DAB1: variants seen among roughly 807,000 people sequenced by gnomAD.
DAB1 encodes disabled homolog 1.
Under a neutral mutation model 64.6 loss-of-function variants are expected in DAB1, and 15 were observed. The ratio of observed to expected loss-of-function variants is 0.23; its 90% confidence interval spans 0.16 to 0.36. The LOEUF is 0.36. DAB1 is among the 10% of genes least tolerant of loss of function. The probability of loss-of-function intolerance (pLI) is 1.00; values close to 1 mark genes in which losing one functional copy is unlikely to be tolerated. For synonymous variants in DAB1, 235 were observed against 251.9 expected, an observed-to-expected ratio of 0.93 and a Z score of 0.64; for missense variants, 596 against 706.7, an observed-to-expected ratio of 0.84 and a Z score of 1.78.
At chr1:57,154,777 C>G (rs937243285) in intron 2 of DAB1, among the ~76,000 whole-genome samples, 31 of 152,230 alleles carry the variant, frequency 2.0e-4, no homozygotes, top group Middle Eastern at 3.4e-3. Context: ...TTTTGATTTG[C>G]ATTTCTCTGA....
chr1:58,172,074 T>C (rs1163890503), intron 4 of DAB1, among the ~76,000 whole-genome samples: 1 of 152,124 alleles, frequency 6.6e-6, no homozygotes, highest in Non-Finnish European at 1.5e-5. Flanking sequence ...GCCAGGCCCC[T>C]TTATACTCTA....
At chr1:57,567,393 T>G (rs1645136244) in intron 7 of DAB1, among the ~76,000 whole-genome samples, 3 of 152,188 alleles carry the variant, frequency 2.0e-5, no homozygotes, top group Middle Eastern at 6.8e-3. Context: ...CTCTCACCAC[T>G]CCTATTCAAC....
At chr1:57,947,759 T>C (rs1476592209) in intron 5 of DAB1, among the ~76,000 whole-genome samples, 1 of 152,164 alleles carries the variant, frequency 6.6e-6, no homozygotes, top group African/African-American at 2.4e-5. Flanking sequence ...CAAAGTGGAA[T>C]TTCTGGAGTG....
intron 5 of DAB1, among the ~76,000 whole-genome samples, chr1:57,961,743 C>T (rs570580850): frequency 2.0e-5 from 3 of 151,798 alleles, no homozygotes; most frequent in Non-Finnish European, 4.4e-5. Flanking sequence ...CTGAGGCAGG[C>T]GGATCACCTG....
At chr1:58,119,039 C>A (rs1328136034) in intron 5 of DAB1, among the ~76,000 whole-genome samples, 1 of 152,102 alleles carries the variant, frequency 6.6e-6, no homozygotes, top group Non-Finnish European at 1.5e-5. Context: ...TTCTTATAAC[C>A]TTTTATACAC....
At chr1:58,089,370 G>A (rs1476312469) in intron 5 of DAB1, among the ~76,000 whole-genome samples, 1 of 152,266 alleles carries the variant, frequency 6.6e-6, no homozygotes, top group Non-Finnish European at 1.5e-5. Context: ...CGAGTACATG[G>A]CATTTTCTGC....
At chr1:57,659,084 G>C (rs889910948) in intron 6 of DAB1, among the ~76,000 whole-genome samples, 19 of 152,100 alleles carry the variant, frequency 1.2e-4, no homozygotes, top group African/African-American at 4.6e-4. Context: ...TTTGCCCCAT[G>C]ACCTGATATC....
intron 3 of DAB1, among the ~76,000 whole-genome samples, chr1:58,465,121 A>G (rs1303460893): frequency 6.6e-6 from 1 of 152,232 alleles, no homozygotes; most frequent in Non-Finnish European, 1.5e-5. Flanking sequence ...TCAAATAAGA[A>G]AAGTACTCTC....
chr1:57,921,176 A>G lies in DAB1; in HGVS notation n.388-37014T>C, dbSNP rs143584348. ...GTCTGATCTTTAAGATATATTATTT[A>G]GTGGAAAAAGTAAGCTGCAGTAGAG... On this transcript the variant is annotated intron_variant and non_coding_transcript_variant, in intron 5 of 20. Transcript: ENST00000485760. 3.9e-3 allele frequency among the ~76,000 whole-genome samples: 600 copies of G among 152,334 alleles called. 5 individuals are homozygous for G. The highest frequency in any genetic ancestry group is 0.013 in the African/African-American group (558 of 41,578).
At chr1:57,205,222 C>T (rs1188962515) in intron 2 of DAB1, among the ~76,000 whole-genome samples, 1 of 152,210 alleles carries the variant, frequency 6.6e-6, no homozygotes, top group Non-Finnish European at 1.5e-5. Flanking sequence ...TCCCTATGAG[C>T]CTTGGAAGCC....
chr1:57,426,859 A>AATATATATATATATATATATAT (rs998763894), upstream of DAB1, among the ~76,000 whole-genome samples: 23 of 122,858 alleles, frequency 1.9e-4, 1 homozygote, highest in African/African-American at 4.3e-4. Context: ...TAAATGAGAT[A>AATATATATATATATATATATAT]ATATATATAT....
intron 3 of DAB1, among the ~76,000 whole-genome samples, chr1:58,447,430 GT>G (rs1367648958): frequency 1.9e-4 from 29 of 151,966 alleles, no homozygotes; most frequent in Middle Eastern, 3.4e-3. Context: ...CTATGTACCA[GT>G]TTTTTTTCCT....
At chr1:57,638,480 A>G (rs1646087286) in intron 7 of DAB1, among the ~76,000 whole-genome samples, 1 of 152,114 alleles carries the variant, frequency 6.6e-6, no homozygotes, top group South Asian at 2.1e-4. Context: ...TACCATGCAA[A>G]CCATCCTTCT....
At chr1:57,313,410 A>G (rs1311597075) in intron 1 of DAB1, among the ~76,000 whole-genome samples, 2 of 152,338 alleles carry the variant, frequency 1.3e-5, no homozygotes, top group East Asian at 3.9e-4. Context: ...TGGTATTATG[A>G]CAAGCATAAT....
chr1:58,054,161 G>A (rs1050189414), intron 5 of DAB1, among the ~76,000 whole-genome samples: 13 of 152,228 alleles, frequency 8.5e-5, no homozygotes, highest in African/African-American at 3.1e-4. Context: ...AAGTCTTAGA[G>A]TTTCCTAGGA....
At chr1:57,929,626 G>T (rs993129583) in intron 5 of DAB1, among the ~76,000 whole-genome samples, 1 of 152,158 alleles carries the variant, frequency 6.6e-6, no homozygotes, top group Non-Finnish European at 1.5e-5. Flanking sequence ...AACAGGTTTA[G>T]TTAGCCCATA....
intron 5 of DAB1, among the ~76,000 whole-genome samples, chr1:58,054,367 G>T (rs769378317): frequency 6.6e-6 from 1 of 152,040 alleles, no homozygotes; most frequent in Admixed American, 6.6e-5. Context: ...ATTCATTTTT[G>T]GTCCAGGTTT....
chr1:57,240,712 A>T (rs1192185195), intron 2 of DAB1, among the ~76,000 whole-genome samples: 1 of 152,196 alleles, frequency 6.6e-6, no homozygotes, highest in Non-Finnish European at 1.5e-5. Flanking sequence ...GAATGAGCTG[A>T]GGAGGCTGGG....
chr1:58,234,031 A>G (rs547691003), intron 4 of DAB1, among the ~76,000 whole-genome samples: 21 of 152,206 alleles, frequency 1.4e-4, no homozygotes, highest in Non-Finnish European at 2.8e-4. Flanking sequence ...GCAGAGCTGA[A>G]ATGAAACCAC....
Sources: allele counts gnomAD v4.1 joint callset (sites outside exome capture counted in the v4.1 genomes callset), GRCh38; gene constraint gnomAD v4.1.1; transcripts MANE v1.5; gene names NCBI Gene and HGNC (gene_info 2026-07-23, HGNC 2026-07-21).